Variants in VPS45 observed in about 807,000 individuals in gnomAD.
VPS45 encodes vacuolar protein sorting-associated protein 45.
A neutral mutation model predicts 75.9 loss-of-function variants in VPS45; 35 were observed. The observed-to-expected ratio is 0.46, with a 90% confidence interval of 0.35 to 0.61. VPS45 has a LOEUF of 0.61. Ranked by LOEUF, VPS45 falls within the 20% of genes least tolerant of loss-of-function variation. VPS45 has a pLI of 0.00. For missense variants in VPS45, 559 were observed against 685.9 expected, an observed-to-expected ratio of 0.81 and a Z score of 2.07; for synonymous variants, 220 against 238.2, an observed-to-expected ratio of 0.92 and a Z score of 0.70.
chr1:150,086,258 G>A (rs1163118124), intron 10 of VPS45, among the ~76,000 whole-genome samples: 1 of 152,040 alleles, frequency 6.6e-6, no homozygotes, highest in Non-Finnish European at 1.5e-5. Flanking sequence ...GTCTATAAAG[G>A]GGGAAAAATA....
chr1:150,132,203 A>G (rs74124312), intron 14 of VPS45, among the ~76,000 whole-genome samples: 3,271 of 152,244 alleles, frequency 0.021, 98 homozygotes, highest in African/African-American at 0.074. Flanking sequence ...GAGTTATGGG[A>G]AAAAGTTATT....
chr1:150,107,713 C>G (rs1657406850), intron 13 of VPS45, among the ~76,000 whole-genome samples: 1 of 152,152 alleles, frequency 6.6e-6, no homozygotes, highest in African/African-American at 2.4e-5. Context: ...CCTGCCTGGC[C>G]AACATGGTGA....
At chr1:150,097,717 TCAAAA>T (rs587671669) in intron 13 of VPS45, among the ~76,000 whole-genome samples, 12 of 151,908 alleles carry the variant, frequency 7.9e-5, no homozygotes, top group Middle Eastern at 3.4e-3. Flanking sequence ...AGGCTCCGTC[TCAAAA>T]CAAAACAAAA....
At chr1:150,069,292 A>G (rs1003323737) in intron 2 of VPS45, among the ~76,000 whole-genome samples, 2 of 151,242 alleles carry the variant, frequency 1.3e-5, no homozygotes. Flanking sequence ...CAGCTAGGCT[A>G]CTGTTGGAAT....
chr1:150,086,380 G>A (rs1218200935), intron 10 of VPS45, among the ~76,000 whole-genome samples: 2 of 152,090 alleles, frequency 1.3e-5, no homozygotes, highest in African/African-American at 4.8e-5. Context: ...AACATTAAGA[G>A]TATTATTATT....
At chr1:150,139,639 C>G (rs1354521370) in intron 14 of VPS45, among the ~76,000 whole-genome samples, 1 of 152,112 alleles carries the variant, frequency 6.6e-6, no homozygotes, top group Non-Finnish European at 1.5e-5. Flanking sequence ...TCTCTAAATC[C>G]TGGGCTCATG....
intron 2 of VPS45, among the ~76,000 whole-genome samples, chr1:150,071,712 C>T (rs1655082091): frequency 6.7e-6 from 1 of 149,546 alleles, no homozygotes; most frequent in Admixed American, 6.7e-5. Context: ...TGCTTGAACC[C>T]AGGAGACGGA....
intron 1 of VPS45, chr1:150,068,264 T>C: frequency 2.5e-6 from 1 of 394,720 alleles, no homozygotes; most frequent in Non-Finnish European, 4.5e-6. Flanking sequence ...CTGTTTCCAC[T>C]CAACATTGTG....
intron 14 of VPS45, among the ~76,000 whole-genome samples, chr1:150,120,950 C>A (rs1316194412): frequency 6.9e-6 from 1 of 144,274 alleles, no homozygotes; most frequent in East Asian, 2.0e-4. Context: ...TCACTGCAAG[C>A]TTCGCCTCCT....
chr1:150,120,693 A>G (rs1482850968), intron 14 of VPS45, among the ~76,000 whole-genome samples: 1 of 152,102 alleles, frequency 6.6e-6, no homozygotes, highest in Non-Finnish European at 1.5e-5. Context: ...AGAGTTCTAT[A>G]TATGCAGGCC....
At chr1:150,126,084 G>T (rs1373767442) in intron 14 of VPS45, among the ~76,000 whole-genome samples, 1 of 152,008 alleles carries the variant, frequency 6.6e-6, no homozygotes, top group Non-Finnish European at 1.5e-5. Context: ...TAAGATAAAC[G>T]TATAGTGAGG....
At chr1:150,117,791 G>A (rs1395816251) in intron 14 of VPS45, among the ~76,000 whole-genome samples, 2 of 151,484 alleles carry the variant, frequency 1.3e-5, no homozygotes, top group African/African-American at 2.4e-5. Context: ...TCCGGGAGGC[G>A]GAGGCTGTAG....
At chr1:150,071,541 CTT>C (rs1275217707) in intron 2 of VPS45, among the ~76,000 whole-genome samples, 25 of 152,148 alleles carry the variant, frequency 1.6e-4, no homozygotes, top group Non-Finnish European at 3.4e-4. Flanking sequence ...AATCCTAACA[CTT>C]TGGGAGGCCA....
intron 13 of VPS45, among the ~76,000 whole-genome samples, chr1:150,095,005 T>G (rs1471638770): frequency 6.6e-6 from 1 of 152,238 alleles, no homozygotes; most frequent in East Asian, 1.9e-4. Context: ...AACCTAAGTA[T>G]GCATATAGTT....
intron 13 of VPS45, among the ~76,000 whole-genome samples, chr1:150,108,729 C>G (rs782544687): frequency 5.3e-5 from 8 of 152,212 alleles, no homozygotes; most frequent in East Asian, 3.8e-4. Context: ...CCTCACCCAT[C>G]ATCAGGCAAT....
chr1:150,075,142 T>TTC (rs1655304846), intron 3 of VPS45, among the ~76,000 whole-genome samples: 1 of 142,008 alleles, frequency 7.0e-6, no homozygotes, highest in African/African-American at 2.9e-5. Context: ...AATTGTCTTT[T>TTC]TTTTTTTTTT....
At chr1:150,109,137 T>TTC (rs1553806683) in intron 13 of VPS45, 2 of 152,208 alleles carry the variant, frequency 1.3e-5, no homozygotes, top group Non-Finnish European at 2.9e-5. Flanking sequence ...ATTCAAGCAA[T>TTC]TCTCCTGCCT....
chr1:150,091,103 A>G (rs1422440959), intron 10 of VPS45, among the ~76,000 whole-genome samples: 1 of 152,356 alleles, frequency 6.6e-6, no homozygotes, highest in South Asian at 2.1e-4. Context: ...ATCTCACAGA[A>G]CTAAAGTACA....
At chr1:150,097,091 T>C (rs1271901380) in intron 13 of VPS45, among the ~76,000 whole-genome samples, 15,721 of 129,846 alleles carry the variant, frequency 0.12, 1,205 homozygotes, top group Non-Finnish European at 0.18. Flanking sequence ...CATTTCTTTC[T>C]TTTTTTTTTT....
Sources: allele counts gnomAD v4.1 joint callset (sites outside exome capture counted in the v4.1 genomes callset), GRCh38; gene constraint gnomAD v4.1.1; transcripts MANE v1.5; gene names NCBI Gene and HGNC (gene_info 2026-07-23, HGNC 2026-07-21).